Variants in MAML1 observed in about 807,000 individuals in gnomAD.
The protein encoded by MAML1 is mastermind like transcriptional coactivator 1, also known as mastermind-like protein 1.
A neutral mutation model predicts 77.1 loss-of-function variants in MAML1; 14 were observed. The observed-to-expected ratio is 0.18, with a 90% CI of 0.12 to 0.28. The LOEUF is 0.28. MAML1 is among the 10% of genes least tolerant of loss of function. MAML1 has a pLI of 1.00. For synonymous variants in MAML1, 516 were observed against 551.9 expected (o/e 0.93, Z 0.91); for missense variants, 1,217 against 1,327.8 (o/e 0.92, Z 1.30).
Position 179,776,487 on chromosome 5 carries a change from GC to G in MAML1, c.*1612del, listed in dbSNP as rs1042444882. 3.0e-6 allele frequency: 3 copies of G among 985,644 alleles called. No homozygotes were observed. The African/African-American group carries it at 5.2e-5, about 17-fold the overall frequency. The allele number at this position is 985,644 out of a possible 1,614,324, so 61.1% of individuals were successfully genotyped here. A position where few individuals can be genotyped will look rare whatever the true frequency, so the allele number is the denominator to read the frequency against. On this transcript the variant is annotated 3_prime_UTR_variant, in exon 5 of 5. Coordinates refer to ENST00000292599, the MANE Select transcript of MAML1 (RefSeq NM_014757.5). ...ATTTGCCACCCCAAGTGGTATGTCG[GC>G]CATTTCTCCTTAAAACACCTTCCCT...
chr5:179,745,653 G>A (rs1170333008), intron 1 of MAML1, among the ~76,000 whole-genome samples: 1 of 151,408 alleles, frequency 6.6e-6, no homozygotes, highest in Non-Finnish European at 1.5e-5. Context: ...GAGGTCAGGA[G>A]ATCGAGACCA....
chr5:179,739,576 C>T lies in MAML1; in HGVS notation c.315+6149C>T, dbSNP rs73342147. 1.2e-3 allele frequency among the ~76,000 whole-genome samples: 184 copies of T among 152,166 alleles called. 1 individual carries two copies. The highest frequency in any genetic ancestry group is 4.2e-3 in the African/African-American group (175 of 41,518). ...GCATGCATCTGTATTCTCAGCTCCT[C>T]GGGAGACCGAAGTAGGAGGATTGCG... On this transcript the variant is annotated intron_variant, in intron 1 of 4. Coordinates refer to ENST00000292599, the MANE Select transcript of MAML1 (RefSeq NM_014757.5).
chr5:179,767,022 G>A (rs1278959400), intron 2 of MAML1, among the ~76,000 whole-genome samples: 1 of 151,556 alleles, frequency 6.6e-6, no homozygotes, highest in African/African-American at 2.4e-5. Flanking sequence ...CGTGCCGTAG[G>A]ATTTAAATTA....
chr5:179,776,928 C>G lies in MAML1; in HGVS notation c.*2051C>G. On this transcript the variant is annotated 3_prime_UTR_variant, in exon 5 of 5. Coordinates refer to ENST00000292599, the MANE Select transcript of MAML1 (RefSeq NM_014757.5). Reference sequence around the variant, plus strand: ...TGTGCACAGCCCCGTCTTCCAGGAGCCACAACTCAGAAGAAAAGGGTGCTC... The same window carrying G: ...TGTGCACAGCCCCGTCTTCCAGGAGGCACAACTCAGAAGAAAAGGGTGCTC... 1.0e-6 allele frequency: 1 copy of G among 985,862 alleles called. No individual in the cohort carries two copies. The highest frequency in any genetic ancestry group is 1.2e-6 in the Non-Finnish European group (1 of 829,920). The allele number at this position is 985,862 out of a possible 1,614,324, so 61.1% of individuals were successfully genotyped here. A position where few individuals can be genotyped will look rare whatever the true frequency, so the allele number is the denominator to read the frequency against.
chr5:179,753,651 A>ATTTTTTTTTTTT (rs372124056), intron 1 of MAML1, among the ~76,000 whole-genome samples: 17 of 66,366 alleles, frequency 2.6e-4, no homozygotes, highest in Admixed American at 3.8e-4. Flanking sequence ...TATTATTATT[A>ATTTTTTTTTTTT]TTATTTTTTT....
chr5:179,733,289 G>A lies in MAML1; in HGVS notation c.177G>A (p.Leu59=). 1.4e-6 allele frequency: 2 copies of A among 1,453,190 alleles called. No individual in the cohort carries two copies. Among genetic ancestry groups the A allele is most frequent in the Non-Finnish European group, 1.8e-6 (2 of 1,103,658 alleles). The allele number at this position is 1,453,190 out of a possible 1,614,324, so 90.0% of individuals were successfully genotyped here. Residue 59 remains leucine, a synonymous_variant, in exon 1 of 5, where the codon CTG becomes CTA. Transcript: ENST00000292599. ...TGGAGCGCCAACACACCTTCGCCCT[G>A]CACCAGCGCTGCATCCAGGCCAAGG... ...LELERQHTFA[L]HQRCIQAKAK... is the part of the protein sequence containing the mutation.
chr5:179,764,504 T>C (rs981982654), intron 1 of MAML1, among the ~76,000 whole-genome samples: 3 of 150,870 alleles, frequency 2.0e-5, no homozygotes, highest in African/African-American at 2.4e-5. Context: ...CTACTAAAAA[T>C]ACAAAATTAG....
intron 1 of MAML1, among the ~76,000 whole-genome samples, chr5:179,739,653 TA>T (rs1779242213): frequency 6.6e-6 from 1 of 152,206 alleles, no homozygotes; most frequent in Non-Finnish European, 1.5e-5. Context: ...CACTGCACCT[TA>T]GCCCCTGGGT....
chr5:179,733,388 G>T lies in MAML1; in HGVS notation c.276G>T (p.Leu92=). 1 of 1,188,990 alleles carries T rather than the reference G, an allele frequency of 8.4e-7. No homozygotes were observed. The highest frequency in any genetic ancestry group is 1.0e-6 in the Non-Finnish European group (1 of 966,108). The allele number at this position is 1,188,990 out of a possible 1,614,324, so 73.7% of individuals were successfully genotyped here. ...APAPAAPAPR[L]DAADGPEHGR... Reference sequence around the variant, plus strand: ...CGCCCGCCGCCCCGGCCCCGCGCCTGGACGCCGCTGACGGCCCCGAGCACG... The same window carrying T: ...CGCCCGCCGCCCCGGCCCCGCGCCTTGACGCCGCTGACGGCCCCGAGCACG... The change falls in exon 1 of 5, where the codon CTG becomes CTT. Residue 92 remains leucine, a synonymous_variant. Coordinates refer to ENST00000292599, the MANE Select transcript of MAML1 (RefSeq NM_014757.5).
At chr5:179,758,978 A>G (rs1268686272) in intron 1 of MAML1, among the ~76,000 whole-genome samples, 3 of 152,014 alleles carry the variant, frequency 2.0e-5, no homozygotes, top group Admixed American at 2.0e-4. Flanking sequence ...AACTGGGGCA[A>G]CAGAGCAAGA....
intron 1 of MAML1, among the ~76,000 whole-genome samples, chr5:179,755,387 G>T (rs1164424356): frequency 6.6e-6 from 1 of 152,192 alleles, no homozygotes; most frequent in Non-Finnish European, 1.5e-5. Flanking sequence ...ATTAGACTTG[G>T]CCCTGGGGAT....
intron 1 of MAML1, among the ~76,000 whole-genome samples, chr5:179,752,436 A>T (rs1779513161): frequency 6.8e-6 from 1 of 148,046 alleles, no homozygotes; most frequent in African/African-American, 2.5e-5. Flanking sequence ...TAAAAAGTTC[A>T]TATATATTGG....
intron 1 of MAML1, among the ~76,000 whole-genome samples, chr5:179,748,768 T>A (rs1014307995): frequency 6.6e-6 from 1 of 152,186 alleles, no homozygotes; most frequent in Non-Finnish European, 1.5e-5. Context: ...AGCTTCTGGA[T>A]GGGAGGGTAC....
chr5:179,773,526 C>G (rs1756049398), intron 4 of MAML1, among the ~76,000 whole-genome samples: 1 of 152,276 alleles, frequency 6.6e-6, no homozygotes. Flanking sequence ...CCCCATTGCG[C>G]CCCATCGTGC....
intron 2 of MAML1, among the ~76,000 whole-genome samples, 190 bp from the exon 3 acceptor site, chr5:179,768,660 G>T (rs540599547): frequency 1.3e-5 from 2 of 152,328 alleles, no homozygotes; most frequent in Non-Finnish European, 2.9e-5. Flanking sequence ...ATTGTTCGTT[G>T]CTAGGCGCCT....
rs1755923536 is a variant in MAML1 at position 179,769,440 on chromosome 5, A to G, written c.1971+351A>G. Reference sequence around the variant, plus strand: ...ATGGAGTCAGCTTTGCTGCCACTACAGAGCCTGTTATAAGCCAGAACGTGA... The same window carrying G: ...ATGGAGTCAGCTTTGCTGCCACTACGGAGCCTGTTATAAGCCAGAACGTGA... On this transcript the variant is annotated intron_variant, in intron 3 of 4. Transcript: ENST00000292599. This position sits in a 1 kb window ranked among gnomAD's most constrained non-coding sequence, Gnocchi z 4.2. 6.6e-6 allele frequency among the ~76,000 whole-genome samples: 1 copy of G among 152,222 alleles called. No homozygotes were observed. Among genetic ancestry groups the G allele is most frequent in the Non-Finnish European group, 1.5e-5 (1 of 68,044 alleles).
At position 179,766,395 on chromosome 5, in the gene MAML1, C is replaced by T. The variant is rs768287852; in HGVS notation, c.1385C>T (p.Ser462Phe). ...AGCTACAAGCAAGACTTCACTAACT[C>T]CAAACTGCTCATGATGCCTAGTGTG... Reference protein sequence around the residue: ...PSSYKQDFTNSKLLMMPSVNK... With the variant: ...PSSYKQDFTNFKLLMMPSVNK... Residue 462 changes from serine (S) to phenylalanine (F), a missense_variant, in exon 2 of 5, where the codon TCC (serine) becomes TTC (phenylalanine). By Grantham distance (155) the Ser-to-Phe change is radical. Coordinates refer to ENST00000292599, the MANE Select transcript of MAML1 (RefSeq NM_014757.5). This position sits in a 1 kb window ranked among gnomAD's most constrained non-coding sequence, Gnocchi z 4.0. 6.2e-7 allele frequency: 1 copy of T among 1,611,638 alleles called. No homozygotes were observed. The highest frequency in any genetic ancestry group is 1.3e-5 in the African/African-American group (1 of 74,894).
In MAML1 at chr5:179,766,335, T is replaced by G. The variant is rs779752760; in HGVS notation, c.1325T>G (p.Val442Gly). The G allele has an allele frequency of 2.5e-6, 4 of 1,603,000 alleles. No individual in the cohort carries two copies. The African/African-American group carries it at 5.4e-5, about 22-fold the overall frequency. ...GGGCCCTCCCACAGTTCCTTAGATG[T>G]CCCTTACCCCATGGAGAAGCCTGCC... ...QTGPSHSSLD[V>G]PYPMEKPASP... The change falls in exon 2 of 5, where the codon GTC becomes GGC. Residue 442 changes from valine to glycine, a missense_variant. This residue lies in a region of MAML1 where 884 missense variants were observed against 949.3 expected (regional missense o/e 0.93). Coordinates refer to ENST00000292599, the MANE Select transcript of MAML1 (RefSeq NM_014757.5). The surrounding 1 kb of genome is among the most constrained non-coding windows in gnomAD (Gnocchi z 4.0).
At chr5:179,773,051 AT>A (rs1297152619) in intron 4 of MAML1, among the ~76,000 whole-genome samples, 5 of 152,076 alleles carry the variant, frequency 3.3e-5, no homozygotes, top group Non-Finnish European at 1.5e-5. Flanking sequence ...CGCCTGGCTA[AT>A]TTTTGTATTT....
Sources: gnomAD v4.1 joint callset for allele counts (sites outside exome capture counted in the v4.1 genomes callset) on GRCh38, gnomAD v4.1.1 for gene constraint, gnomAD v4.1.1 regional missense constraint, Gnocchi (gnomAD v3.1) non-coding constraint, MANE v1.5 for transcripts, NCBI Gene and HGNC (gene_info 2026-07-23, HGNC 2026-07-21) for gene names.